The following RALGAPA1 variants were observed in gnomAD, a reference collection of about 807,000 sequenced individuals.
The protein encoded by RALGAPA1 is Ral GTPase activating protein catalytic subunit alpha 1, also known as ral GTPase-activating protein subunit alpha-1.
Under a neutral mutation model 269.6 loss-of-function variants are expected in RALGAPA1, and 52 were observed. The observed-to-expected ratio is 0.19, with a 90% CI of 0.15 to 0.24. The LOEUF (loss-of-function observed/expected upper bound fraction) is 0.24, where lower values mean the gene tolerates loss of function less well. Ranked by LOEUF, RALGAPA1 falls within the 10% of genes least tolerant of loss-of-function variation. RALGAPA1 has a pLI of 1.00. For missense variants in RALGAPA1, 1,917 were observed against 3,013.9 expected (o/e 0.64, Z 8.52); for synonymous variants, 817 against 1,008.3 (o/e 0.81, Z 3.60).
chr14:35,755,512 T>C (rs557282571), intron 7 of RALGAPA1, among the ~76,000 whole-genome samples: 1 of 152,326 alleles, frequency 6.6e-6, no homozygotes, highest in East Asian at 1.9e-4. Flanking sequence ...GTATCAATTA[T>C]AGCTCAATAA....
chr14:35,795,801 C>A (rs1362469546), intron 1 of RALGAPA1, among the ~76,000 whole-genome samples: 1 of 143,912 alleles, frequency 6.9e-6, no homozygotes. Flanking sequence ...ATAGCAAAAC[C>A]CCATTTCTCT....
At chr14:35,715,106 T>C (rs1238709140) in intron 16 of RALGAPA1, among the ~76,000 whole-genome samples, 2 of 152,218 alleles carry the variant, frequency 1.3e-5, no homozygotes, top group Non-Finnish European at 2.9e-5. Flanking sequence ...CTTCTGTTTC[T>C]ATAGACTCAT....
intron 39 of RALGAPA1, among the ~76,000 whole-genome samples, chr14:35,550,192 C>T (rs1027484002): frequency 6.6e-6 from 1 of 152,186 alleles, no homozygotes; most frequent in African/African-American, 2.4e-5. Context: ...GAGCAGCAGG[C>T]AGCAACATAC....
At chr14:35,711,774 C>T (rs2140841390) in intron 16 of RALGAPA1, among the ~76,000 whole-genome samples, 1 of 152,254 alleles carries the variant, frequency 6.6e-6, no homozygotes, top group Non-Finnish European at 1.5e-5. Flanking sequence ...TGTACCCCAC[C>T]CAAGTCCTCT....
In RALGAPA1 at chr14:35,742,521, C is replaced by T. The variant is rs1018934229; in HGVS notation, c.1296G>A (p.Val432=). 5 of 1,608,828 alleles carry T rather than the reference C, an allele frequency of 3.1e-6. No individual in the cohort carries two copies. The Admixed American group carries it at 8.4e-5, about 27-fold the overall frequency. Residue 432 remains valine (V), a synonymous_variant, in exon 11 of 42, where the codon GTG becomes GTA. Transcript: ENST00000680220. ...GGATCCATTCTTGATATACTTTTAC[C>T]ACTTTTCTCATAGCTGCTGCTTCAC... ...PICEAAAMRK[V]VKVYQEWIQQ...
chr14:35,656,200 T>C (rs189324340), intron 28 of RALGAPA1, among the ~76,000 whole-genome samples: 2 of 152,324 alleles, frequency 1.3e-5, no homozygotes, highest in East Asian at 3.9e-4. Context: ...CTGACATTGC[T>C]ATCAAGCTTC....
chr14:35,804,987 G>T (rs1407820128), intron 1 of RALGAPA1, among the ~76,000 whole-genome samples: 1 of 151,842 alleles, frequency 6.6e-6, no homozygotes, highest in Admixed American at 6.6e-5. Context: ...AAATAATGAG[G>T]CTGAGAAAAA....
At chr14:35,730,258 G>T (rs889020707) in intron 12 of RALGAPA1, among the ~76,000 whole-genome samples, 3 of 152,158 alleles carry the variant, frequency 2.0e-5, no homozygotes, top group African/African-American at 7.2e-5. Flanking sequence ...CCCCAGGCAG[G>T]CCATTCCTGC....
chr14:35,636,556 T>C (rs905460583), intron 31 of RALGAPA1, among the ~76,000 whole-genome samples: 1 of 152,224 alleles, frequency 6.6e-6, no homozygotes, highest in Non-Finnish European at 1.5e-5. Context: ...AGTCTTGCTC[T>C]GTCACCCAGG....
intron 26 of RALGAPA1, among the ~76,000 whole-genome samples, chr14:35,665,292 C>A (rs1030649564): frequency 3.9e-5 from 6 of 152,176 alleles, no homozygotes; most frequent in African/African-American, 1.4e-4. Context: ...GTCTGGACTG[C>A]CAATGAAGGT....
chr14:35,572,299 G>C (rs186004542), intron 38 of RALGAPA1, among the ~76,000 whole-genome samples: 16 of 152,186 alleles, frequency 1.1e-4, no homozygotes, highest in Admixed American at 1.0e-3. Flanking sequence ...TCCTTTTTGA[G>C]CTTGGTACAC....
intron 39 of RALGAPA1, among the ~76,000 whole-genome samples, chr14:35,561,096 A>G (rs1182748334): frequency 2.0e-5 from 3 of 151,680 alleles, no homozygotes; most frequent in East Asian, 1.9e-4. Flanking sequence ...GCGTGGTGGC[A>G]GGCACCTGTA....
At chr14:35,569,020 A>T (rs552370503) in intron 39 of RALGAPA1, among the ~76,000 whole-genome samples, 2 of 152,324 alleles carry the variant, frequency 1.3e-5, no homozygotes, top group South Asian at 4.1e-4. Context: ...GTAAGTGAAG[A>T]TATAAATGCT....
intron 25 of RALGAPA1, 45 bp from the exon 26 acceptor site, chr14:35,671,562 C>G (rs1461909853): frequency 9.4e-7 from 1 of 1,061,242 alleles, no homozygotes; most frequent in East Asian, 2.4e-5. Context: ...CATATGTAAT[C>G]TTGAGTATCA....
At chr14:35,670,759 C>T (rs944149051) in intron 26 of RALGAPA1, among the ~76,000 whole-genome samples, 5 of 152,082 alleles carry the variant, frequency 3.3e-5, no homozygotes, top group Non-Finnish European at 7.4e-5. Flanking sequence ...CCCGTCACTA[C>T]TAAAAATAGA....
At chr14:35,797,338 C>T (rs1379209276) in intron 1 of RALGAPA1, among the ~76,000 whole-genome samples, 10 of 78,198 alleles carry the variant, frequency 1.3e-4, no homozygotes, top group Non-Finnish European at 2.1e-4. Flanking sequence ...GGTGACAGAG[C>T]GAGACTCCGT....
chr14:35,756,602 G>A (rs1567166048), intron 7 of RALGAPA1, 191 bp downstream of exon 7: 5 of 366,038 alleles, frequency 1.4e-5, no homozygotes, highest in Admixed American at 4.5e-5. Flanking sequence ...CCATCACTTG[G>A]TTGATTACAC....
chr14:35,664,812 T>C (rs570649091), intron 26 of RALGAPA1, 45 bp from the exon 27 acceptor site: 3 of 1,574,036 alleles, frequency 1.9e-6, no homozygotes, highest in Non-Finnish European at 2.6e-6. Context: ...ATTGGTGTTA[T>C]GAAATTATCA....
intron 12 of RALGAPA1, among the ~76,000 whole-genome samples, chr14:35,737,758 T>TCAAAAAA: frequency 1.6e-4 from 1 of 6,302 alleles, no homozygotes; most frequent in Non-Finnish European, 2.3e-4. Flanking sequence ...AAAATCCATC[T>TCAAAAAA]CAAAAAAAAA....
Sources: allele counts gnomAD v4.1 joint callset (sites outside exome capture counted in the v4.1 genomes callset), GRCh38; gene constraint gnomAD v4.1.1; transcripts MANE v1.5; gene names NCBI Gene and HGNC (gene_info 2026-07-23, HGNC 2026-07-21).